CDC27: variants seen among roughly 807,000 people sequenced by gnomAD.
The protein encoded by CDC27 is cell division cycle 27.
CDC27 carries 27 observed loss-of-function variants against 109.7 expected under a neutral mutation model. That is an observed-to-expected ratio of 0.25 (90% CI 0.18 to 0.34). The LOEUF (loss-of-function observed/expected upper bound fraction) is 0.34, where lower values mean the gene tolerates loss of function less well. Among genes scored for constraint, CDC27 ranks in the 10% least tolerant of loss-of-function variants. CDC27 has a pLI of 1.00. For synonymous variants in CDC27, 266 were observed against 333.9 expected (o/e 0.80, Z 2.22); for missense variants, 579 against 960.2 (o/e 0.60, Z 5.25).
Position 47,132,911 on chromosome 17 carries a change from C to CTACAGGTGCA in CDC27, c.1914-547_1914-538dup, listed in dbSNP as rs1393488271. ...ACCTCAGCATCCTGAGTAGCTGCAA[C>CTACAGGTGCA]TACAGGTGCACGCCACCAGGCATGG... On this transcript the variant is annotated intron_variant, in intron 14 of 18. Coordinates refer to ENST00000066544, the MANE Select transcript of CDC27 (RefSeq NM_001256.6). 2.9e-5 allele frequency among the ~76,000 whole-genome samples: 4 copies of CTACAGGTGCA among 139,656 alleles called. No individual in the cohort carries two copies. In the South Asian group the frequency reaches 9.0e-4, roughly 32 times the overall value. The allele number at this position is 139,656 out of a possible 152,430, so 91.6% of individuals were successfully genotyped here.
intron 1 of CDC27, among the ~76,000 whole-genome samples, chr17:47,188,204 A>G (rs1278968815): frequency 6.6e-6 from 1 of 152,226 alleles, no homozygotes; most frequent in Admixed American, 6.5e-5. Flanking sequence ...AGCAGTTGAT[A>G]GAGGTCAATT....
Position 47,121,741 on chromosome 17 carries a change from C to CT in CDC27, c.2392+702dup, listed in dbSNP as rs35570204. Among the ~76,000 whole-genome samples, 356 of 144,834 alleles carry CT rather than the reference C, an allele frequency of 2.5e-3. 3 individuals carry two copies. The highest frequency in any genetic ancestry group is 7.4e-3 in the African/African-American group (292 of 39,478). ...AGCCATCATGCCTGGCATATATATA[C>CT]TTTTTTTTTTTTTTTGAGACAGAGT... On this transcript the variant is annotated intron_variant, in intron 18 of 18. Coordinates refer to ENST00000066544, the MANE Select transcript of CDC27 (RefSeq NM_001256.6).
rs191069814 is a variant in CDC27, at chr17:47,154,809, G to A, written c.843-23C>T. 1.3e-3 allele frequency: 1,482 copies of A among 1,177,428 alleles called. 13 individuals are homozygous for A. Among genetic ancestry groups the A allele is most frequent in the Non-Finnish European group, 4.6e-4 (367 of 789,562 alleles). The allele number at this position is 1,177,428 out of a possible 1,614,324, so 72.9% of individuals were successfully genotyped here. On this transcript the variant is annotated intron_variant, in intron 7 of 18. Transcript: ENST00000066544. Reference sequence around the variant, plus strand: ...AAACTGAGAAGAGGTTGAAATCAAGGTGTCAAAAAGTCATCAAGGCATATA... The same window carrying A: ...AAACTGAGAAGAGGTTGAAATCAAGATGTCAAAAAGTCATCAAGGCATATA...
chr17:47,154,465 G>A (rs895097907), intron 8 of CDC27, among the ~76,000 whole-genome samples: 1 of 152,154 alleles, frequency 6.6e-6, no homozygotes, highest in Non-Finnish European at 1.5e-5. Context: ...TTGGCCAAAA[G>A]AGTAAGAAGT....
chr17:47,132,988 CATATATATATATAT>C lies in CDC27; in HGVS notation c.1914-628_1914-615del, dbSNP rs1158266100. ...GGGGTTTTGCCATGTTGCCCAGGCG[CATATATATATATAT>C]ATATATATATATATATATATATATA... On this transcript the variant is annotated intron_variant, in intron 14 of 18. Transcript: ENST00000066544. Among the ~76,000 whole-genome samples, 133 of 40,890 alleles carry C rather than the reference CATATATATATATAT, an allele frequency of 3.3e-3. 1 individual carries two copies. The highest frequency in any genetic ancestry group is 0.013 in the African/African-American group (116 of 9,214). 26.8% of individuals were successfully genotyped at this position (40,890 alleles called of 152,430 possible).
intron 9 of CDC27, among the ~76,000 whole-genome samples, chr17:47,150,446 A>G (rs2063119176): frequency 6.6e-6 from 1 of 152,216 alleles, no homozygotes; most frequent in Admixed American, 6.5e-5. Context: ...ATGGAAGATG[A>G]CCATGTGAAG....
At position 47,165,682 on chromosome 17, in the gene CDC27, CT is replaced by C. The variant is rs149757322; in HGVS notation, c.377+4234del. Among the ~76,000 whole-genome samples, 1,273 of 152,154 alleles carry C rather than the reference CT, an allele frequency of 8.4e-3. 18 individuals are homozygous for C. Among genetic ancestry groups the C allele is most frequent in the African/African-American group, 0.029 (1,183 of 41,508 alleles). ...TTTTAATTTTGATAAAATTTATCAA[CT>C]TTTTATTTTATGTACTGTCATTTGG... On this transcript the variant is annotated intron_variant, in intron 4 of 18. Transcript: ENST00000066544.
intron 1 of CDC27, among the ~76,000 whole-genome samples, chr17:47,183,440 CCTTT>C (rs1040821466): frequency 2.0e-5 from 3 of 152,066 alleles, no homozygotes; most frequent in South Asian, 2.1e-4. Context: ...ATGACTTAGC[CCTTT>C]CTATTTCCTC....
At chr17:47,132,988 C>CATATATATAT (rs1158266100) in intron 14 of CDC27, among the ~76,000 whole-genome samples, 31 of 40,876 alleles carry the variant, frequency 7.6e-4, no homozygotes, top group Middle Eastern at 0.011. Flanking sequence ...TGCCCAGGCG[C>CATATATATAT]ATATATATAT....
intron 1 of CDC27, among the ~76,000 whole-genome samples, chr17:47,188,493 CAG>C (rs1325772523): frequency 2.0e-4 from 30 of 152,100 alleles, no homozygotes; most frequent in Non-Finnish European, 4.4e-5. Flanking sequence ...TGATCCCCAT[CAG>C]AGAGGATGAA....
At position 47,143,341 on chromosome 17, in the gene CDC27, C is replaced by T. The variant is rs1284420352; in HGVS notation, c.1170+542G>A. 2.6e-5 allele frequency among the ~76,000 whole-genome samples: 4 copies of T among 152,222 alleles called. No individual in the cohort carries two copies. In the South Asian group the frequency reaches 6.2e-4, roughly 24 times the overall value. ...CTGCAAATGATAACATGTGACATAA[C>T]CATAGTATATCATCATACCCAGGAA... is the stretch of plus-strand genomic sequence containing the variant. On this transcript the variant is annotated intron_variant, in intron 10 of 18. Transcript: ENST00000066544.
chr17:47,180,785 G>A (rs2064190829), intron 2 of CDC27, among the ~76,000 whole-genome samples: 1 of 151,562 alleles, frequency 6.6e-6, no homozygotes, highest in Non-Finnish European at 1.5e-5. Flanking sequence ...TAATTCTAAG[G>A]GGCAATGATT....
intron 9 of CDC27, among the ~76,000 whole-genome samples, chr17:47,145,827 G>A (rs548468206): frequency 4.7e-4 from 71 of 152,112 alleles, no homozygotes; most frequent in African/African-American, 1.7e-3. Flanking sequence ...AACCCGGGAG[G>A]TGGAGGTTGC....
intron 17 of CDC27, among the ~76,000 whole-genome samples, chr17:47,123,583 T>C (rs1679663110): frequency 6.6e-6 from 1 of 151,946 alleles, no homozygotes; most frequent in African/African-American, 2.4e-5. Context: ...GCTAATTTTT[T>C]GTATTTTTAG....
At chr17:47,149,426 G>A (rs768925314) in intron 9 of CDC27, among the ~76,000 whole-genome samples, 53 of 149,782 alleles carry the variant, frequency 3.5e-4, no homozygotes, top group Non-Finnish European at 6.1e-4. Context: ...CAGGAGAATC[G>A]CTTTAACCCA....
At chr17:47,133,795 T>G (rs549678992) in intron 14 of CDC27, among the ~76,000 whole-genome samples, 2 of 151,670 alleles carry the variant, frequency 1.3e-5, no homozygotes, top group African/African-American at 4.8e-5. Flanking sequence ...GTCACCCAGG[T>G]TGGAGTGCAG....
chr17:47,170,072 A>T (rs2063769352), intron 3 of CDC27, 30 bp from the exon 4 acceptor site: 1 of 1,434,562 alleles, frequency 7.0e-7, no homozygotes, highest in Admixed American at 2.6e-5. Flanking sequence ...AGATTTTTAA[A>T]AACCAATATA....
At chr17:47,142,984 G>GT (rs1322701439) in intron 10 of CDC27, among the ~76,000 whole-genome samples, 1 of 151,784 alleles carries the variant, frequency 6.6e-6, no homozygotes, top group Non-Finnish European at 1.5e-5. Flanking sequence ...CCTTTGTTTT[G>GT]TTTTTGGGAC....
chr17:47,144,871 TC>T (rs2062907331), intron 9 of CDC27, among the ~76,000 whole-genome samples: 1 of 149,888 alleles, frequency 6.7e-6, no homozygotes, highest in African/African-American at 2.5e-5. Context: ...TGTGTGTATA[TC>T]ACACACACAC....
Sources: gnomAD v4.1 joint callset for allele counts (sites outside exome capture counted in the v4.1 genomes callset) on GRCh38, gnomAD v4.1.1 for gene constraint, MANE v1.5 for transcripts, NCBI Gene and HGNC (gene_info 2026-07-23, HGNC 2026-07-21) for gene names.